LPAR6: variants seen among roughly 807,000 people sequenced by gnomAD.
LPAR6 encodes the protein lysophosphatidic acid receptor 6, also known as G-protein coupled purinergic receptor P2Y5.
A neutral mutation model predicts 22.0 loss-of-function variants in LPAR6; 17 were observed. The observed-to-expected ratio is 0.77, with a 90% confidence interval of 0.53 to 1.16. The LOEUF (loss-of-function observed/expected upper bound fraction) is 1.16. Ranked by LOEUF, LPAR6 falls within the 50% of genes most tolerant of loss-of-function variation. LPAR6 has a pLI of 0.00. For synonymous variants in LPAR6, 136 were observed against 139.8 expected (o/e 0.97, Z 0.19); for missense variants, 384 against 406.9 (o/e 0.94, Z 0.48).
chr13:48,404,377 A>G (rs1310698031), intron 1 of LPAR6: 3 of 152,148 alleles, frequency 2.0e-5, no homozygotes, highest in Non-Finnish European at 4.4e-5. Flanking sequence ...CCTCAGTTCA[A>G]TATTTATTCA....
At chr13:48,415,097 A>G (rs1295330841), upstream of LPAR6, among the ~76,000 whole-genome samples, 1 of 152,122 alleles carries the variant, frequency 6.6e-6, no homozygotes, top group Non-Finnish European at 1.5e-5. Flanking sequence ...AATGAAATAT[A>G]TGCAGTTGTA....
Position 48,412,480 on chromosome 13 carries a change from T to C in LPAR6, c.-57A>G. ...GCACTTTCATCAGCTGCAGTCTCCT[T>C]TGGGATTCAGATTATAACCTCTATA... On this transcript the variant is annotated 5_prime_UTR_variant, in exon 1 of 1. Coordinates refer to ENST00000620633, the MANE Select transcript of LPAR6 (RefSeq NM_001162498.3). The C allele has an allele frequency of 1.8e-6, 2 of 1,141,386 alleles. No homozygotes were observed. The highest frequency in any genetic ancestry group is 2.5e-5 in the South Asian group (2 of 81,500). The allele number at this position is 1,141,386 out of a possible 1,614,324, so 70.7% of individuals were successfully genotyped here. A position where few individuals can be genotyped will look rare whatever the true frequency, so the allele number is the denominator to read the frequency against.
Position 48,422,452 on chromosome 13 carries a change from C to T in LPAR6, c.-954+198G>A, listed in dbSNP as rs564094684. ...ATGGGTGCAGCAAACCACCATGGCA[C>T]GTGTATACCTATGTAACAAACCTGC... On this transcript the variant is annotated intron_variant, in intron 2 of 4. Coordinates refer to the LPAR6 transcript ENST00000345941. 2.0e-5 allele frequency among the ~76,000 whole-genome samples: 3 copies of T among 152,240 alleles called. No individual in the cohort carries two copies. In the South Asian group the frequency reaches 6.2e-4, roughly 32 times the overall value.
chr13:48,408,270 AATAC>A (rs1322024316), downstream of LPAR6, among the ~76,000 whole-genome samples: 1 of 151,866 alleles, frequency 6.6e-6, no homozygotes, highest in Non-Finnish European at 1.5e-5. Flanking sequence ...TAATATATAT[AATAC>A]ATATATTTTT....
At position 48,396,359 on chromosome 13, in the gene LPAR6, T is replaced by G. The variant is rs991001716; in HGVS notation, n.115-6547A>C. ...ATAATGCCACACATCTACAACCATC[T>G]GATTTTTGACAAACTTGACAAAAAC... On this transcript the variant is annotated intron_variant and non_coding_transcript_variant, in intron 1 of 1. Coordinates refer to the LPAR6 transcript ENST00000462781. Among the ~76,000 whole-genome samples the G allele has an allele frequency of 2.6e-5, 4 of 152,194 alleles. No homozygotes were observed. In the East Asian group the frequency reaches 5.8e-4, roughly 22 times the overall value.
chr13:48,396,001 C>A (rs1434486609), intron 1 of LPAR6, among the ~76,000 whole-genome samples: 1 of 151,992 alleles, frequency 6.6e-6, no homozygotes, highest in Non-Finnish European at 1.5e-5. Context: ...TAAGAGAGGG[C>A]ACAAACAAAT....
rs182331233 is a variant in LPAR6 at position 48,397,195 on chromosome 13, A to G, written n.115-7383T>C. Reference sequence around the variant, plus strand: ...ATTCTACTAAAAAGAACATGCACACATATGTTTATTGCAGCACTATTCACA... The same window carrying G: ...ATTCTACTAAAAAGAACATGCACACGTATGTTTATTGCAGCACTATTCACA... On this transcript the variant is annotated intron_variant and non_coding_transcript_variant, in intron 1 of 1. Coordinates refer to the LPAR6 transcript ENST00000462781. Among the ~76,000 whole-genome samples the G allele has an allele frequency of 8.5e-5, 13 of 152,324 alleles. 1 individual carries two copies. The East Asian group carries it at 2.3e-3, about 27-fold the overall frequency.
intron 1 of LPAR6, among the ~76,000 whole-genome samples, chr13:48,424,962 G>T (rs965870913): frequency 6.6e-6 from 1 of 152,050 alleles, no homozygotes; most frequent in Admixed American, 6.6e-5. Context: ...GCTAAGGCAG[G>T]AGAATCACTT....
upstream of LPAR6, chr13:48,415,688 T>G (rs1948897060): frequency 6.6e-6 from 1 of 152,232 alleles, no homozygotes; most frequent in Non-Finnish European, 1.5e-5. Context: ...TAAATGTTTG[T>G]ATAATTCTTA....
chr13:48,402,249 C>T (rs181260461), intron 1 of LPAR6, among the ~76,000 whole-genome samples: 2 of 152,086 alleles, frequency 1.3e-5, no homozygotes, highest in Admixed American at 1.3e-4. Flanking sequence ...AGATTGGCAT[C>T]TGATTTAGTT....
At position 48,411,360 on chromosome 13, in the gene LPAR6, C is replaced by A; in HGVS notation, c.*29G>T. 1.3e-6 allele frequency: 2 copies of A among 1,566,646 alleles called. No homozygotes were observed. The highest frequency in any genetic ancestry group is 1.1e-5 in the South Asian group (1 of 89,878). On this transcript the variant is annotated 3_prime_UTR_variant, in exon 1 of 1. Transcript: ENST00000620633. Reference sequence around the variant, plus strand: ...TCACAGTTGAAGGAACTTGAAAGTTCTGTCCCAGTGAGTCCTAATGGTTTT... The same window carrying A: ...TCACAGTTGAAGGAACTTGAAAGTTATGTCCCAGTGAGTCCTAATGGTTTT...
Position 48,412,439 on chromosome 13 carries a change from A to G in LPAR6, c.-16T>C, listed in dbSNP as rs781098756. 2.5e-6 allele frequency: 4 copies of G among 1,599,142 alleles called. No individual in the cohort carries two copies. The highest frequency in any genetic ancestry group is 2.2e-5 in the East Asian group (1 of 44,782). On this transcript the variant is annotated 5_prime_UTR_variant, in exon 1 of 1. Transcript: ENST00000620633. The stretch of plus-strand genomic sequence containing the variant: ...CGCTTACCATCGTAAAGGCACGTCC[A>G]ATTTTCAGTTTGGAAGCACTTTCAT...
chr13:48,406,687 A>C (rs369528831), downstream of LPAR6: 5 of 152,160 alleles, frequency 3.3e-5, 1 homozygote, highest in East Asian at 1.9e-4. Flanking sequence ...CAGTATCCAA[A>C]TTCTCTCCCA....
At chr13:48,417,249 G>A (rs1021355053), upstream of LPAR6, 2 of 153,290 alleles carry the variant, frequency 1.3e-5, no homozygotes, top group African/African-American at 4.8e-5. Flanking sequence ...AATCTTTGTT[G>A]TTCTGCAACC....
At chr13:48,439,972 A>G (rs1469652590) in intron 1 of LPAR6, among the ~76,000 whole-genome samples, 1 of 152,202 alleles carries the variant, frequency 6.6e-6, no homozygotes, top group Non-Finnish European at 1.5e-5. Context: ...ACATGCATAC[A>G]TATATACATA....
At chr13:48,394,144 A>G (rs1948630490) in intron 1 of LPAR6, among the ~76,000 whole-genome samples, 1 of 152,144 alleles carries the variant, frequency 6.6e-6, no homozygotes, top group Non-Finnish European at 1.5e-5. Context: ...CGGGAAGCAC[A>G]AGGGGTTGGG....
chr13:48,434,371 CAGAT>C (rs1044325532), intron 1 of LPAR6, among the ~76,000 whole-genome samples: 5 of 152,036 alleles, frequency 3.3e-5, no homozygotes, highest in African/African-American at 4.8e-5. Flanking sequence ...AAAATTTTAA[CAGAT>C]AGATTATTTC....
Position 48,437,216 on chromosome 13 carries a change from A to C in LPAR6, c.-1474+7337T>G, listed in dbSNP as rs4151559. Among the ~76,000 whole-genome samples, 496 of 152,352 alleles carry C rather than the reference A, an allele frequency of 3.3e-3. 7 individuals are homozygous for C. The highest frequency in any genetic ancestry group is 0.012 in the African/African-American group (481 of 41,582). On this transcript the variant is annotated intron_variant, in intron 1 of 6. Transcript: ENST00000378434. The stretch of plus-strand genomic sequence containing the variant: ...CAAAACAGAGTGAAGCGTTGTTCAG[A>C]GAGCAATTAGGCTGACAGTTAATTT...
chr13:48,406,805 G>C (rs2088571089), downstream of LPAR6: 1 of 152,280 alleles, frequency 6.6e-6, no homozygotes, highest in Non-Finnish European at 1.5e-5. Context: ...TGTAGTCCCA[G>C]CTGCTTGAGA....
Sources: gnomAD v4.1 joint callset for allele counts (sites outside exome capture counted in the v4.1 genomes callset) on GRCh38, gnomAD v4.1.1 for gene constraint, MANE v1.5 for transcripts, NCBI Gene and HGNC (gene_info 2026-07-23, HGNC 2026-07-21) for gene names.